The following CTNNA3 variants were observed in gnomAD, a reference collection of about 807,000 sequenced individuals.
CTNNA3 encodes the protein catenin alpha-3.
CTNNA3 carries 76 observed loss-of-function variants against 95.7 expected under a neutral mutation model. The observed-to-expected ratio is 0.79, with a 90% CI of 0.66 to 0.96. CTNNA3 has a LOEUF of 0.96. CTNNA3 is among the 40% of genes least tolerant of loss of function. The pLI, the probability that CTNNA3 is intolerant of heterozygous loss-of-function variation, is 0.00. For missense variants in CTNNA3, 1,191 were observed against 1,089.8 expected, an observed-to-expected ratio of 1.09 and a Z score of -1.31; for synonymous variants, 431 against 374.4, an observed-to-expected ratio of 1.15 and a Z score of -1.74.
At chr10:66,042,742 A>C (rs10996846) in intron 15 of CTNNA3, among the ~76,000 whole-genome samples, 17,711 of 151,166 alleles carry the variant, frequency 0.12, 1,252 homozygotes, top group Non-Finnish European at 0.16. Flanking sequence ...TCTAGTAGAA[A>C]TAAAAAAATT....
chr10:66,835,034 T>C (rs1448162871), intron 7 of CTNNA3, among the ~76,000 whole-genome samples: 1 of 152,182 alleles, frequency 6.6e-6, no homozygotes, highest in African/African-American at 2.4e-5. Flanking sequence ...CTGAGTTTCA[T>C]CTGACACAAT....
chr10:66,918,991 C>T (rs1846643577), intron 7 of CTNNA3, among the ~76,000 whole-genome samples: 3 of 151,692 alleles, frequency 2.0e-5, no homozygotes, highest in South Asian at 4.2e-4. Context: ...AAAAATTAGC[C>T]GGGCGTGGTG....
rs181054342 is a variant in CTNNA3, at chr10:66,076,461, A to G, written c.1978-6972T>C. On this transcript the variant is annotated intron_variant, in intron 14 of 17. Transcript: ENST00000433211. ...CTGTAATATTTTAAAATTAACATTTAGGAATTGGAGTTGGACTTTAAGAAG... is the reference window on the plus strand; with the variant it reads ...CTGTAATATTTTAAAATTAACATTTGGGAATTGGAGTTGGACTTTAAGAAG... Among the ~76,000 whole-genome samples the G allele has an allele frequency of 2.6e-3, 390 of 151,788 alleles. 6 individuals carry two copies. Among genetic ancestry groups the G allele is most frequent in the African/African-American group, 9.1e-3 (377 of 41,530 alleles).
intron 11 of CTNNA3, among the ~76,000 whole-genome samples, chr10:66,396,281 C>T (rs2132545001): frequency 2.0e-5 from 3 of 152,024 alleles, no homozygotes; most frequent in Admixed American, 2.0e-4. Context: ...ATAAACTATA[C>T]TTATTTAGAT....
intron 13 of CTNNA3, among the ~76,000 whole-genome samples, chr10:66,141,022 G>T (rs1356669380): frequency 2.6e-5 from 4 of 152,088 alleles, no homozygotes; most frequent in Non-Finnish European, 5.9e-5. Flanking sequence ...ACTTTGGGAG[G>T]CCGAGGCGGG....
At chr10:66,355,379 C>G (rs1295475680) in intron 12 of CTNNA3, among the ~76,000 whole-genome samples, 1 of 151,968 alleles carries the variant, frequency 6.6e-6, no homozygotes, top group Admixed American at 6.6e-5. Flanking sequence ...GGGCTGTTAC[C>G]AGGATTAAAT....
chr10:65,960,747 C>A (rs1216809317), intron 17 of CTNNA3, among the ~76,000 whole-genome samples: 2 of 152,140 alleles, frequency 1.3e-5, no homozygotes, highest in Non-Finnish European at 2.9e-5. Flanking sequence ...GTTCACCTCC[C>A]ACTTGTAAGT....
chr10:65,920,539 T>C lies in CTNNA3; in HGVS notation c.2479A>G (p.Ile827Val). ...ATTCGGATGATCTTGGTTGAGGCAA[T>C]GTAAGACATTTTCACTGTTTGCACT... is the stretch of plus-strand genomic sequence containing the variant. ...AVVQTVKMSY[I>V]ASTKIIRIQS... Residue 827 changes from isoleucine to valine, a missense_variant, in exon 18 of 18, where the codon ATT becomes GTT. Transcript: ENST00000433211. 5 of 1,614,182 alleles carry C rather than the reference T, an allele frequency of 3.1e-6. No homozygotes were observed. Among genetic ancestry groups the C allele is most frequent in the Non-Finnish European group, 4.2e-6 (5 of 1,180,036 alleles).
chr10:66,298,534 C>T (rs2091815608), intron 12 of CTNNA3, among the ~76,000 whole-genome samples: 1 of 152,074 alleles, frequency 6.6e-6, no homozygotes, highest in Non-Finnish European at 1.5e-5. Context: ...GTGGTTATAT[C>T]TTACATTTCT....
At chr10:67,215,546 T>C (rs7097477) in intron 6 of CTNNA3, among the ~76,000 whole-genome samples, 152,208 of 152,218 alleles carry the variant, frequency 1, 76,099 homozygotes, top group Middle Eastern at 1. Flanking sequence ...GATTTTTGGA[T>C]GGGGTTTTAG....
chr10:66,966,610 A>T (rs1053093148), intron 7 of CTNNA3, among the ~76,000 whole-genome samples: 1 of 152,064 alleles, frequency 6.6e-6, no homozygotes, highest in Non-Finnish European at 1.5e-5. Flanking sequence ...AATTTAATAG[A>T]TCATACACCT....
intron 7 of CTNNA3, among the ~76,000 whole-genome samples, chr10:66,987,869 G>C (rs10762123): frequency 0.47 from 71,374 of 151,946 alleles, 17,277 homozygotes; most frequent in African/African-American, 0.55. Context: ...AGTTTACAAT[G>C]AATTAAAGGA....
chr10:66,183,366 C>A lies in CTNNA3; in HGVS notation c.1885-80117G>T, dbSNP rs2086154480. ...AGATATGCATTTCTCTTACCTCAAT[C>A]AATAAAATCCAACCTATCGTGAAGG... On this transcript the variant is annotated intron_variant, in intron 13 of 17. Coordinates refer to ENST00000433211, the MANE Select transcript of CTNNA3 (RefSeq NM_013266.4). Among the ~76,000 whole-genome samples the A allele has an allele frequency of 2.6e-5, 4 of 152,298 alleles. No individual in the cohort carries two copies. The South Asian group carries it at 8.3e-4, about 32-fold the overall frequency.
At chr10:67,076,169 C>G (rs892043257) in intron 7 of CTNNA3, among the ~76,000 whole-genome samples, 2 of 152,192 alleles carry the variant, frequency 1.3e-5, no homozygotes, top group Non-Finnish European at 2.9e-5. Flanking sequence ...TCAGAAGATT[C>G]AATTCCTCCA....
intron 11 of CTNNA3, among the ~76,000 whole-genome samples, chr10:66,488,198 T>C (rs1281081821): frequency 1.3e-5 from 2 of 152,212 alleles, no homozygotes; most frequent in Admixed American, 1.3e-4. Flanking sequence ...AATTAGACCA[T>C]ACCTTGTATG....
At chr10:66,687,049 T>G (rs934658599) in intron 9 of CTNNA3, among the ~76,000 whole-genome samples, 10 of 152,134 alleles carry the variant, frequency 6.6e-5, no homozygotes, top group South Asian at 6.2e-4. Flanking sequence ...TACTTTATAC[T>G]TAATAGGTTC....
At chr10:67,055,259 C>T (rs1018287819) in intron 7 of CTNNA3, among the ~76,000 whole-genome samples, 1 of 152,144 alleles carries the variant, frequency 6.6e-6, no homozygotes, top group Non-Finnish European at 1.5e-5. Context: ...TAGGTGTCAC[C>T]ATTAGTACAA....
chr10:66,489,256 A>C lies in CTNNA3; in HGVS notation c.1531+31361T>G, dbSNP rs183382385. Among the ~76,000 whole-genome samples the C allele has an allele frequency of 3.1e-3, 471 of 152,280 alleles. 1 individual carries two copies. The highest frequency in any genetic ancestry group is 4.9e-3 in the Non-Finnish European group (333 of 68,024). On this transcript the variant is annotated intron_variant, in intron 11 of 17. Transcript: ENST00000433211. ...ACAATCAATGGGACAGAGTAAAAGC[A>C]GCTGTCAATTCATCTCTTGTCCATA...
At chr10:67,482,879 G>T (rs1439753931) in intron 5 of CTNNA3, among the ~76,000 whole-genome samples, 1 of 152,136 alleles carries the variant, frequency 6.6e-6, no homozygotes, top group Non-Finnish European at 1.5e-5. Context: ...GGTATTGGCT[G>T]TGGGTTTGTC....
Sources: allele counts gnomAD v4.1 joint callset (sites outside exome capture counted in the v4.1 genomes callset), GRCh38; gene constraint gnomAD v4.1.1; transcripts MANE v1.5; gene names NCBI Gene and HGNC (gene_info 2026-07-23, HGNC 2026-07-21).